The following STX17 variants were observed in gnomAD, a reference collection of about 807,000 sequenced individuals.
STX17 encodes syntaxin 17.
In STX17, 29 loss-of-function variants were observed where a neutral mutation model predicts 35.9. The ratio of observed to expected loss-of-function variants is 0.81; its 90% CI spans 0.60 to 1.10. The LOEUF (loss-of-function observed/expected upper bound fraction) is 1.10, where lower values mean the gene tolerates loss of function less well. STX17 is among the 50% of genes least tolerant of loss of function. STX17 has a pLI of 0.00. For missense variants in STX17, 312 were observed against 352.3 expected (o/e 0.89, Z 0.92); for synonymous variants, 92 against 118.3 (o/e 0.78, Z 1.44).
At position 99,943,113 on chromosome 9, in the gene STX17, A is replaced by G. The variant is rs150063086; in HGVS notation, c.190-7947A>G. Among the ~76,000 whole-genome samples, 63 of 151,848 alleles carry G rather than the reference A, an allele frequency of 4.1e-4. No individual in the cohort carries two copies. In the East Asian group the frequency reaches 0.011, roughly 26 times the overall value. On this transcript the variant is annotated intron_variant, in intron 3 of 7. Transcript: ENST00000259400. ...TTTATTTAATTTATTGAATTCCTGT[A>G]TTTGTTTTTGTTTGTTCGTTTGTTT... is the stretch of plus-strand genomic sequence containing the variant.
intron 3 of STX17, among the ~76,000 whole-genome samples, chr9:99,936,441 A>G (rs892803413): frequency 2.0e-5 from 3 of 152,116 alleles, no homozygotes; most frequent in African/African-American, 7.2e-5. Context: ...ATGATTAATG[A>G]TGTTTCTGTT....
At chr9:99,938,648 ATGGTGGTG>A (rs1829287019) in intron 3 of STX17, among the ~76,000 whole-genome samples, 2 of 152,102 alleles carry the variant, frequency 1.3e-5, no homozygotes, top group South Asian at 4.2e-4. Flanking sequence ...TTAGCCAGGC[ATGGTGGTG>A]TGTGCCCTGT....
chr9:99,951,054 T>C lies in STX17; in HGVS notation c.190-6T>C, dbSNP rs1829581463. 6.3e-7 allele frequency: 1 copy of C among 1,592,872 alleles called. No individual in the cohort carries two copies. Among genetic ancestry groups the C allele is most frequent in the Non-Finnish European group, 8.5e-7 (1 of 1,171,462 alleles). On this transcript the variant is annotated splice_region_variant and splice_polypyrimidine_tract_variant and intron_variant, in intron 3 of 7. Transcript: ENST00000259400. ...TGGTGGCATTAATGATTTTTTTCTT[T>C]TATAGCAACTCCGATCCAATATCCG...
chr9:99,960,965 T>C (rs1829816412), intron 6 of STX17, among the ~76,000 whole-genome samples: 1 of 152,198 alleles, frequency 6.6e-6, no homozygotes, highest in Non-Finnish European at 1.5e-5. Flanking sequence ...GAAAAATGAG[T>C]AAATATCCAC....
At chr9:99,933,831 A>C (rs1165411952) in intron 3 of STX17, among the ~76,000 whole-genome samples, 1 of 152,178 alleles carries the variant, frequency 6.6e-6, no homozygotes, top group Non-Finnish European at 1.5e-5. Flanking sequence ...TTACCATACA[A>C]AAGTATAAAA....
At position 99,951,142 on chromosome 9, in the gene STX17, T is replaced by C. The variant is rs749962118; in HGVS notation, c.272T>C (p.Ile91Thr). Residue 91 changes from isoleucine (I) to threonine (T), a missense_variant, in exon 4 of 8, where the codon ATA becomes ACA. Transcript: ENST00000259400. ...GACCTAGTACTTCTGAAGAGAATGA[T>C]AGATCCTGTTAAAGAAGAAGCATCA... ...KDDLVLLKRM[I>T]DPVKEEASAA... The C allele has an allele frequency of 1.2e-6, 2 of 1,613,090 alleles. No individual in the cohort carries two copies. Among genetic ancestry groups the C allele is most frequent in the Non-Finnish European group, 8.5e-7 (1 of 1,179,206 alleles).
At position 99,972,690 on chromosome 9, in the gene STX17, G is replaced by A. The variant is rs866769515; in HGVS notation, c.*4017G>A. Among the ~76,000 whole-genome samples, 2 of 152,156 alleles carry A rather than the reference G, an allele frequency of 1.3e-5. No homozygotes were observed. The highest frequency in any genetic ancestry group is 4.8e-5 in the African/African-American group (2 of 41,436). On this transcript the variant is annotated 3_prime_UTR_variant, in exon 8 of 8. Coordinates refer to ENST00000259400, the MANE Select transcript of STX17 (RefSeq NM_017919.3). ...AGAAGTTGAGGAAACCTGTAATATA[G>A]CTAGATAATATACAACGTTTGTCTT...
At chr9:99,951,722 A>G (rs891080498) in intron 4 of STX17, among the ~76,000 whole-genome samples, 28 of 151,984 alleles carry the variant, frequency 1.8e-4, no homozygotes, top group Non-Finnish European at 1.0e-4. Flanking sequence ...TAAGTAATCT[A>G]CAATGGGAGT....
At position 99,953,888 on chromosome 9, in the gene STX17, CG is replaced by C. The variant is rs1179704172; in HGVS notation, c.415+2606del. 9.9e-5 allele frequency: 15 copies of C among 151,906 alleles called. No homozygotes were observed. In the East Asian group the frequency reaches 2.3e-3, roughly 23 times the overall value. The allele number at this position is 151,906 out of a possible 1,614,324, so 9.4% of individuals were successfully genotyped here. A position where few individuals can be genotyped will look rare whatever the true frequency, so the allele number is the denominator to read the frequency against. The stretch of plus-strand genomic sequence containing the variant: ...TTGTTTTACTGCCAGTAGAACTGTT[CG>C]GGATCAACAACTTTGGGCTTATATG... On this transcript the variant is annotated intron_variant, in intron 4 of 7. Transcript: ENST00000259400.
intron 6 of STX17, among the ~76,000 whole-genome samples, chr9:99,962,362 T>C (rs137911475): frequency 4.7e-4 from 71 of 152,318 alleles, no homozygotes; most frequent in African/African-American, 1.6e-3. Context: ...TGTTTCAGAA[T>C]CAACATTTAT....
chr9:99,968,606 A>C lies in STX17; in HGVS notation c.842A>C (p.Lys281Thr). 6.2e-7 allele frequency: 1 copy of C among 1,613,990 alleles called. No individual in the cohort carries two copies. Among genetic ancestry groups the C allele is most frequent in the Non-Finnish European group, 8.5e-7 (1 of 1,179,954 alleles). The change falls in exon 8 of 8, where the codon AAA becomes ACA. Residue 281 changes from lysine (K) to threonine (T), a missense_variant. By Grantham distance (78) the Lys-to-Thr change is moderately conservative (BLOSUM62 -1). Transcript: ENST00000259400. ...GGKLIQRKKQ[K>T]MMEKLTSSCP... is the part of the protein sequence containing the mutation. ...AAATTGATACAAAGAAAGAAACAGA[A>C]AATGATGGAGAAGCTCACTTCCAGC... is the stretch of plus-strand genomic sequence containing the variant.
intron 6 of STX17, among the ~76,000 whole-genome samples, chr9:99,964,955 C>G (rs1200990385): frequency 6.6e-6 from 1 of 152,078 alleles, no homozygotes; most frequent in Non-Finnish European, 1.5e-5. Flanking sequence ...AAAATACGGA[C>G]AAGAGAAAGG....
rs111682383 is a variant in STX17 at position 99,967,469 on chromosome 9, C to CCT, written c.583-183_583-182insTC. The CCT allele has an allele frequency of 2.9e-3, 1,082 of 377,812 alleles. 20 individuals are homozygous for CCT. The highest frequency in any genetic ancestry group is 0.021 in the African/African-American group (1,017 of 49,008). 23.4% of individuals were successfully genotyped at this position (377,812 alleles called of 1,614,324 possible). A position where few individuals can be genotyped will look rare whatever the true frequency, so the allele number is the denominator to read the frequency against. The stretch of plus-strand genomic sequence containing the variant: ...TTTATTACCTAATAATTAAGACCCC[C>CCT]CCCTTTTTTTTATGAAAGTTAATTT... On this transcript the variant is annotated intron_variant, in intron 6 of 7. Coordinates refer to ENST00000259400, the MANE Select transcript of STX17 (RefSeq NM_017919.3).
chr9:99,917,134 C>T (rs1263781132), intron 2 of STX17, among the ~76,000 whole-genome samples: 1 of 152,136 alleles, frequency 6.6e-6, no homozygotes, highest in Non-Finnish European at 1.5e-5. Flanking sequence ...AATTTTTAGA[C>T]AGTATCAGAA....
At chr9:99,953,977 A>G (rs1356841309) in intron 4 of STX17, 1 of 152,046 alleles carries the variant, frequency 6.6e-6, no homozygotes, top group African/African-American at 2.4e-5. Flanking sequence ...TTTGCTGGCA[A>G]TTAACTTTCT....
At chr9:99,939,849 C>T (rs1829313722) in intron 3 of STX17, among the ~76,000 whole-genome samples, 1 of 152,222 alleles carries the variant, frequency 6.6e-6, no homozygotes, top group Non-Finnish European at 1.5e-5. Context: ...CATAGTTCTG[C>T]TCTCTCTGCA....
chr9:99,946,976 C>T (rs1355873960), intron 3 of STX17, among the ~76,000 whole-genome samples: 2 of 151,886 alleles, frequency 1.3e-5, no homozygotes, highest in African/African-American at 2.4e-5. Context: ...ATTTGTTGAC[C>T]TTGAATTGTG....
At chr9:99,959,828 G>A (rs576811375) in intron 4 of STX17, 89 bp from the exon 5 acceptor site, 16 of 921,560 alleles carry the variant, frequency 1.7e-5, no homozygotes, top group South Asian at 7.3e-5. Context: ...ACCATTTAAC[G>A]TGGCATTTGT....
intron 1 of STX17, among the ~76,000 whole-genome samples, chr9:99,907,665 T>C (rs1378777664): frequency 3.9e-5 from 6 of 152,236 alleles, no homozygotes. Context: ...AAAAACTTTT[T>C]TATTTTGAAA....
Sources: allele counts gnomAD v4.1 joint callset (sites outside exome capture counted in the v4.1 genomes callset), GRCh38; gene constraint gnomAD v4.1.1; transcripts MANE v1.5; gene names NCBI Gene and HGNC (gene_info 2026-07-23, HGNC 2026-07-21).